The following CAMTA1 variants were observed in gnomAD, a reference collection of about 807,000 sequenced individuals.
CAMTA1 encodes calmodulin-binding transcription activator 1.
In CAMTA1, 27 loss-of-function variants were observed where a neutral mutation model predicts 170.9. That is an observed-to-expected ratio of 0.16 (90% CI 0.12 to 0.22). The LOEUF (loss-of-function observed/expected upper bound fraction) is 0.22. Among genes scored for constraint, CAMTA1 ranks in the 10% least tolerant of loss-of-function variants. The pLI is 1.00. For missense variants in CAMTA1, 1,619 were observed against 2,217.2 expected (o/e 0.73, Z 5.42); for synonymous variants, 833 against 891.5 (o/e 0.93, Z 1.17).
intron 3 of CAMTA1, among the ~76,000 whole-genome samples, chr1:6,882,091 T>A (rs559866343): frequency 6.6e-6 from 1 of 152,308 alleles, no homozygotes; most frequent in East Asian, 1.9e-4. Flanking sequence ...TCTATATAGC[T>A]AGCAAGCTAA....
At chr1:7,692,132 C>T (rs1197643846) in intron 11 of CAMTA1, among the ~76,000 whole-genome samples, 3 of 152,116 alleles carry the variant, frequency 2.0e-5, no homozygotes, top group African/African-American at 7.2e-5. Context: ...CCAGGACTAA[C>T]CAGGCAGCGT....
chr1:7,197,242 A>G (rs1655688466), intron 4 of CAMTA1, among the ~76,000 whole-genome samples: 1 of 152,208 alleles, frequency 6.6e-6, no homozygotes, highest in Non-Finnish European at 1.5e-5. Flanking sequence ...TGAGGATGGA[A>G]GGACCAGCAG....
At chr1:7,211,723 T>C (rs1658801382) in intron 4 of CAMTA1, among the ~76,000 whole-genome samples, 1 of 152,250 alleles carries the variant, frequency 6.6e-6, no homozygotes, top group South Asian at 2.1e-4. Flanking sequence ...GAATGGTTTC[T>C]GAATTCCAGC....
chr1:6,938,329 G>T (rs1274394230), intron 3 of CAMTA1, among the ~76,000 whole-genome samples: 1 of 152,176 alleles, frequency 6.6e-6, no homozygotes, highest in East Asian at 1.9e-4. Flanking sequence ...TGAGAGACTG[G>T]TTGGCTGGGG....
chr1:7,211,428 G>A (rs186691424), intron 4 of CAMTA1, among the ~76,000 whole-genome samples: 512 of 152,244 alleles, frequency 3.4e-3, no homozygotes, highest in African/African-American at 0.012. Flanking sequence ...AGCAGCAACC[G>A]CTGTTCTGAT....
intron 4 of CAMTA1, among the ~76,000 whole-genome samples, chr1:7,184,582 A>G (rs1186922354): frequency 2.6e-5 from 4 of 152,194 alleles, no homozygotes; most frequent in African/African-American, 4.8e-5. Context: ...TTAGTAAAAA[A>G]GAAATATAGG....
chr1:6,882,183 G>A (rs574908310), intron 3 of CAMTA1, among the ~76,000 whole-genome samples: 38 of 152,278 alleles, frequency 2.5e-4, no homozygotes, highest in Non-Finnish European at 4.9e-4. Flanking sequence ...TCAAATTTCA[G>A]TGTCCAGTTC....
chr1:7,059,796 T>G (rs1461010465), intron 3 of CAMTA1, among the ~76,000 whole-genome samples: 3 of 152,190 alleles, frequency 2.0e-5, no homozygotes, highest in Non-Finnish European at 2.9e-5. Context: ...AATGGTGGTA[T>G]TTATTGAACT....
intron 3 of CAMTA1, among the ~76,000 whole-genome samples, chr1:6,930,929 T>C (rs968254673): frequency 1.3e-5 from 2 of 152,248 alleles, no homozygotes; most frequent in Non-Finnish European, 2.9e-5. Flanking sequence ...CTTGCTGGCC[T>C]TGGCTCCGCC....
chr1:7,467,974 C>A, intron 6 of CAMTA1, 73 bp downstream of exon 6: 1 of 1,255,234 alleles, frequency 8.0e-7, no homozygotes, highest in Non-Finnish European at 1.2e-6. Flanking sequence ...ACTGAGGGCG[C>A]GGGGCTCCGC....
intron 1 of CAMTA1, among the ~76,000 whole-genome samples, chr1:6,792,874 C>T (rs945787355): frequency 2.0e-4 from 30 of 152,232 alleles, no homozygotes; most frequent in African/African-American, 6.0e-4. Context: ...CTGCTCTCTA[C>T]GGTTTTGTAG....
intron 3 of CAMTA1, among the ~76,000 whole-genome samples, chr1:6,959,465 C>G (rs543360499): frequency 1.3e-5 from 2 of 151,424 alleles, no homozygotes; most frequent in African/African-American, 4.8e-5. Flanking sequence ...GATTGTCAGT[C>G]AGTGTTTCCC....
Position 7,392,550 on chromosome 1 carries a change from C to T in CAMTA1, c.439-75280C>T, listed in dbSNP as rs555579766. ...GATTACAGGCATGAGCCACGGCACCCGGCCAAGACCCCCATCTTTACAATT... is the reference window on the plus strand; with the variant it reads ...GATTACAGGCATGAGCCACGGCACCTGGCCAAGACCCCCATCTTTACAATT... On this transcript the variant is annotated intron_variant, in intron 5 of 22. Transcript: ENST00000303635. Among the ~76,000 whole-genome samples, 139 of 150,272 alleles carry T rather than the reference C, an allele frequency of 9.2e-4. 3 individuals are homozygous for T. The highest frequency in any genetic ancestry group is 3.4e-3 in the Middle Eastern group (1 of 290).
intron 3 of CAMTA1, among the ~76,000 whole-genome samples, chr1:7,043,501 C>T (rs916927474): frequency 5.3e-5 from 8 of 152,188 alleles, no homozygotes; most frequent in African/African-American, 1.7e-4. Flanking sequence ...GCTTGTTTTC[C>T]AGCTAGTGTC....
rs7515025 is a variant in CAMTA1 at position 7,766,333 on chromosome 1, T to C, written c.4990-126T>C. 0.012 allele frequency: 8,703 copies of C among 744,936 alleles called. 498 individuals are homozygous for C. In the African/African-American group the frequency reaches 0.14, roughly 12 times the overall value. The allele number at this position is 744,936 out of a possible 1,614,324, so 46.1% of individuals were successfully genotyped here. A position where few individuals can be genotyped will look rare whatever the true frequency, so the allele number is the denominator to read the frequency against. On this transcript the variant is annotated intron_variant, in intron 22 of 22. Coordinates refer to ENST00000303635, the MANE Select transcript of CAMTA1 (RefSeq NM_015215.4). The stretch of plus-strand genomic sequence containing the variant: ...AATTTCACAGGAGTTTCTTTTGCCG[T>C]CAATCCTCAAAACGGTTTTAGTCTT...
At chr1:7,639,249 G>A (rs566039464) in intron 6 of CAMTA1, among the ~76,000 whole-genome samples, 1 of 152,300 alleles carries the variant, frequency 6.6e-6, no homozygotes, top group East Asian at 1.9e-4. Context: ...AAAGTCCTGG[G>A]ATTACAGGCA....
At chr1:6,994,559 C>T (rs1025271518) in intron 3 of CAMTA1, among the ~76,000 whole-genome samples, 8 of 152,112 alleles carry the variant, frequency 5.3e-5, no homozygotes, top group Non-Finnish European at 8.8e-5. Context: ...CCCTGCGGAA[C>T]GTGTCCTTTA....
At chr1:7,215,843 A>T (rs1659659741) in intron 4 of CAMTA1, among the ~76,000 whole-genome samples, 1 of 152,350 alleles carries the variant, frequency 6.6e-6, no homozygotes, top group Non-Finnish European at 1.5e-5. Context: ...AAATGCATTG[A>T]TTATCACCTA....
chr1:7,302,889 G>A (rs1200808191), intron 5 of CAMTA1, among the ~76,000 whole-genome samples: 1 of 152,294 alleles, frequency 6.6e-6, no homozygotes, highest in Non-Finnish European at 1.5e-5. Flanking sequence ...CTTCCAAATC[G>A]TCATTTTGGG....
Sources: allele counts gnomAD v4.1 joint callset (sites outside exome capture counted in the v4.1 genomes callset), GRCh38; gene constraint gnomAD v4.1.1; transcripts MANE v1.5; gene names NCBI Gene and HGNC (gene_info 2026-07-23, HGNC 2026-07-21).